KLF12: variants seen among roughly 807,000 people sequenced by gnomAD.
KLF12 encodes the protein KLF transcription factor 12.
A neutral mutation model predicts 37.8 loss-of-function variants in KLF12; 9 were observed. The ratio of observed to expected loss-of-function variants is 0.24; its 90% CI spans 0.14 to 0.42. The LOEUF (loss-of-function observed/expected upper bound fraction) is 0.42. KLF12 is among the 10% of genes least tolerant of loss of function. The pLI is 1.00. For synonymous variants in KLF12, 208 were observed against 202.1 expected (o/e 1.03, Z -0.25); for missense variants, 411 against 516.0 (o/e 0.80, Z 1.97).
intron 4 of KLF12, among the ~76,000 whole-genome samples, chr13:73,834,891 T>TC (rs1884349371): frequency 1.3e-5 from 2 of 152,116 alleles, no homozygotes; most frequent in South Asian, 4.1e-4. Flanking sequence ...CAGCAAAACT[T>TC]CCTAGTAGCA....
At chr13:74,015,873 T>C (rs930774793) in intron 1 of KLF12, among the ~76,000 whole-genome samples, 1 of 152,180 alleles carries the variant, frequency 6.6e-6, no homozygotes, top group Non-Finnish European at 1.5e-5. Context: ...CTTAATATCA[T>C]TGTATTTGCC....
chr13:74,033,582 A>G (rs1447340275), intron 1 of KLF12, among the ~76,000 whole-genome samples: 1 of 152,224 alleles, frequency 6.6e-6, no homozygotes, highest in African/African-American at 2.4e-5. Flanking sequence ...TAGATTACTT[A>G]ATATTTCATA....
the KLF12 span, among the ~76,000 whole-genome samples, chr13:74,298,563 C>T: frequency 7.9e-5 from 12 of 151,936 alleles, no homozygotes; most frequent in African/African-American, 2.9e-4. Context: ...GATTTCAGAC[C>T]CATATGGGAG....
chr13:74,176,312 C>T, the KLF12 span, among the ~76,000 whole-genome samples: 2 of 152,214 alleles, frequency 1.3e-5, no homozygotes. Flanking sequence ...CTCTGTGCTT[C>T]CCAACAGACA....
intron 1 of KLF12, among the ~76,000 whole-genome samples, chr13:74,101,774 CATAAT>C (rs1876359971): frequency 6.6e-6 from 1 of 152,088 alleles, no homozygotes; most frequent in African/African-American, 2.4e-5. Context: ...GAATCTGTGA[CATAAT>C]ATATGAAAAA....
the KLF12 span, among the ~76,000 whole-genome samples, chr13:74,282,813 G>A: frequency 1.3e-5 from 2 of 152,192 alleles, no homozygotes; most frequent in South Asian, 4.1e-4. Flanking sequence ...AATGAATGCC[G>A]TGTGACTTAG....
At chr13:74,169,100 T>TA in the KLF12 span, among the ~76,000 whole-genome samples, 789 of 151,678 alleles carry the variant, frequency 5.2e-3, 9 homozygotes, top group African/African-American at 0.018. Flanking sequence ...TTGGGAACTT[T>TA]AAAAAAAAAT....
intron 1 of KLF12, among the ~76,000 whole-genome samples, chr13:74,062,146 C>T (rs1479219911): frequency 6.6e-6 from 1 of 152,154 alleles, no homozygotes; most frequent in Non-Finnish European, 1.5e-5. Context: ...AGCCCTGACC[C>T]CTGAGTGCAC....
the KLF12 span, among the ~76,000 whole-genome samples, chr13:74,271,362 G>A: frequency 1.3e-5 from 2 of 152,246 alleles, no homozygotes; most frequent in African/African-American, 4.8e-5. Context: ...CTAAGAATAA[G>A]CCTTGGACAT....
intron 6 of KLF12, among the ~76,000 whole-genome samples, chr13:73,719,254 C>A (rs1450298874): frequency 2.0e-5 from 3 of 152,088 alleles, no homozygotes; most frequent in Admixed American, 1.3e-4. Flanking sequence ...AAGAGTGCTG[C>A]GTTGTGTTGG....
intron 1 of KLF12, among the ~76,000 whole-genome samples, chr13:74,114,919 G>A (rs749271784): frequency 9.3e-4 from 142 of 152,222 alleles, no homozygotes; most frequent in Non-Finnish European, 1.9e-3. Flanking sequence ...CCCAACCCCC[G>A]GGGCCATGGA....
chr13:73,893,428 C>T (rs1887610190), intron 3 of KLF12, among the ~76,000 whole-genome samples: 1 of 129,880 alleles, frequency 7.7e-6, no homozygotes, highest in Non-Finnish European at 1.5e-5. Context: ...TTCGCCCAGG[C>T]TAGAGTGCAG....
At chr13:74,026,263 G>GA (rs1014760337) in intron 1 of KLF12, among the ~76,000 whole-genome samples, 7 of 151,640 alleles carry the variant, frequency 4.6e-5, no homozygotes, top group African/African-American at 1.5e-4. Context: ...GATGGAAGAG[G>GA]AAAAAAATCA....
At chr13:73,788,661 A>C (rs1881495641) in intron 5 of KLF12, among the ~76,000 whole-genome samples, 1 of 151,940 alleles carries the variant, frequency 6.6e-6, no homozygotes, top group Non-Finnish European at 1.5e-5. Context: ...TTATTTTTAA[A>C]GATTTTTGTT....
chr13:73,780,898 G>C (rs541624407), intron 5 of KLF12, among the ~76,000 whole-genome samples: 4 of 152,374 alleles, frequency 2.6e-5, no homozygotes, highest in African/African-American at 9.6e-5. Context: ...AGCTGTATCA[G>C]AGGATTGACT....
intron 1 of KLF12, among the ~76,000 whole-genome samples, chr13:74,045,821 G>A (rs1180901493): frequency 6.6e-6 from 1 of 152,138 alleles, no homozygotes; most frequent in African/African-American, 2.4e-5. Flanking sequence ...GCAATGGGAG[G>A]GCATCCTGTC....
intron 1 of KLF12, among the ~76,000 whole-genome samples, chr13:74,082,168 A>AAAAAAAAAAAC (rs1874944879): frequency 6.6e-6 from 1 of 150,452 alleles, no homozygotes; most frequent in Non-Finnish European, 1.5e-5. Context: ...TCTCTTAAAA[A>AAAAAAAAAAAC]AAAAAAAAAA....
intron 1 of KLF12, among the ~76,000 whole-genome samples, chr13:74,131,982 C>A (rs1052264664): frequency 6.6e-6 from 1 of 152,090 alleles, no homozygotes; most frequent in African/African-American, 2.4e-5. Flanking sequence ...CCTTCAACAT[C>A]CTATTTCCAC....
chr13:74,022,086 TTAGA>T (rs999532254), intron 1 of KLF12, among the ~76,000 whole-genome samples: 4 of 152,150 alleles, frequency 2.6e-5, no homozygotes, highest in African/African-American at 9.7e-5. Context: ...TTTTTGTGTC[TTAGA>T]TATTCTAAAT....
Sources: allele counts gnomAD v4.1 joint callset (sites outside exome capture counted in the v4.1 genomes callset), GRCh38; gene constraint gnomAD v4.1.1; transcripts MANE v1.5; gene names NCBI Gene and HGNC (gene_info 2026-07-23, HGNC 2026-07-21).